Variants in LRP1B observed in about 807,000 individuals in gnomAD.
LRP1B encodes LDL receptor related protein 1B.
In LRP1B, 217 loss-of-function variants were observed where a neutral mutation model predicts 556.6. That is an observed-to-expected ratio of 0.39 (90% CI 0.35 to 0.44). LRP1B has a LOEUF of 0.44. Ranked by LOEUF, LRP1B falls within the 20% of genes least tolerant of loss-of-function variation. The pLI is 1.00. For missense variants in LRP1B, 5,053 were observed against 5,620.8 expected (o/e 0.90, Z 3.23); for synonymous variants, 2,047 against 1,865.8 (o/e 1.10, Z -2.50).
intron 3 of LRP1B, among the ~76,000 whole-genome samples, chr2:141,289,117 C>T (rs1287729171): frequency 6.6e-6 from 1 of 151,894 alleles, no homozygotes; most frequent in African/African-American, 2.4e-5. Flanking sequence ...GGCGCGGTGG[C>T]TTAACTCCTG....
intron 9 of LRP1B, among the ~76,000 whole-genome samples, chr2:141,058,224 G>A (rs16845245): frequency 4.6e-5 from 7 of 151,806 alleles, no homozygotes; most frequent in African/African-American, 7.2e-5. Flanking sequence ...ATGTACAGCC[G>A]TGATTAGATA....
At chr2:140,544,732 A>G (rs1680262872) in intron 43 of LRP1B, among the ~76,000 whole-genome samples, 1 of 152,070 alleles carries the variant, frequency 6.6e-6, no homozygotes, top group Admixed American at 6.6e-5. Flanking sequence ...ATTGATGGGC[A>G]TTAGGTCGAT....
At chr2:141,627,850 T>C (rs1457583991) in intron 2 of LRP1B, among the ~76,000 whole-genome samples, 8 of 152,126 alleles carry the variant, frequency 5.3e-5, no homozygotes, top group African/African-American at 1.9e-4. Context: ...GTGCAGGATG[T>C]TGATAGTAGG....
chr2:141,273,154 C>G (rs1310501685), intron 3 of LRP1B, among the ~76,000 whole-genome samples: 2 of 151,962 alleles, frequency 1.3e-5, no homozygotes, highest in Admixed American at 1.3e-4. Flanking sequence ...ATGAAAAATA[C>G]AAAAGTTAAC....
rs1471965365 is a variant in LRP1B at position 141,241,468 on chromosome 2, A to C, written c.592+5758T>G. 2.0e-5 allele frequency among the ~76,000 whole-genome samples: 3 copies of C among 152,022 alleles called. No individual in the cohort carries two copies. In the East Asian group the frequency reaches 5.8e-4, roughly 29 times the overall value. On this transcript the variant is annotated intron_variant, in intron 5 of 90. Coordinates refer to ENST00000389484, the MANE Select transcript of LRP1B (RefSeq NM_018557.3). ...TGGTGGAGAGGACACACTTATGTAG[A>C]TCATACAGTGCTTCTCAAACTACTG... is the stretch of plus-strand genomic sequence containing the variant.
In LRP1B at chr2:140,467,149, TA is replaced by T. The variant is rs752792113; in HGVS notation, c.9625+7988del. On this transcript the variant is annotated intron_variant, in intron 60 of 90. Coordinates refer to ENST00000389484, the MANE Select transcript of LRP1B (RefSeq NM_018557.3). Reference sequence around the variant, plus strand: ...TACTTTTTGAAATGCATAAAATCAATAAAAAATCTCAAATTTATAACAAATT... The same window carrying T: ...TACTTTTTGAAATGCATAAAATCAATAAAAATCTCAAATTTATAACAAATT... 4.6e-5 allele frequency among the ~76,000 whole-genome samples: 7 copies of T among 152,098 alleles called. No individual in the cohort carries two copies. The East Asian group carries it at 1.4e-3, about 29-fold the overall frequency.
chr2:140,622,653 C>A (rs937918959), intron 41 of LRP1B, among the ~76,000 whole-genome samples: 1 of 152,010 alleles, frequency 6.6e-6, no homozygotes, highest in Admixed American at 6.6e-5. Flanking sequence ...CCACTATGTT[C>A]CTTAGTTGGC....
chr2:140,412,791 A>G (rs1685021079), intron 66 of LRP1B, among the ~76,000 whole-genome samples: 1 of 152,098 alleles, frequency 6.6e-6, no homozygotes, highest in Admixed American at 6.6e-5. Context: ...ATTCTATCAT[A>G]CCATTAATAT....
intron 7 of LRP1B, among the ~76,000 whole-genome samples, chr2:141,137,435 G>A (rs894205247): frequency 2.0e-5 from 3 of 151,816 alleles, no homozygotes; most frequent in Non-Finnish European, 4.4e-5. Flanking sequence ...TCTTGCAGGC[G>A]AGATGTAAAG....
chr2:140,534,941 T>C (rs1425830828), intron 46 of LRP1B, among the ~76,000 whole-genome samples: 2 of 152,118 alleles, frequency 1.3e-5, no homozygotes, highest in African/African-American at 2.4e-5. Context: ...CTAATTACAC[T>C]AGCAGGTTTG....
At chr2:141,986,567 C>T (rs900441692) in intron 1 of LRP1B, among the ~76,000 whole-genome samples, 6 of 151,832 alleles carry the variant, frequency 4.0e-5, no homozygotes, top group Non-Finnish European at 8.8e-5. Flanking sequence ...ATTTGTGAAT[C>T]TCTTGACTTC....
chr2:140,717,003 A>G (rs2105465613), intron 35 of LRP1B, among the ~76,000 whole-genome samples, 187 bp from the exon 36 acceptor site: 1 of 152,232 alleles, frequency 6.6e-6, no homozygotes, highest in African/African-American at 2.4e-5. Context: ...AACATGAAAG[A>G]ACTTATATTT....
intron 1 of LRP1B, among the ~76,000 whole-genome samples, chr2:141,873,748 G>A (rs1156801147): frequency 1.3e-5 from 2 of 151,704 alleles, no homozygotes; most frequent in Non-Finnish European, 2.9e-5. Context: ...ATACATTTGG[G>A]GGCAAGAAAA....
chr2:141,416,506 T>C (rs1691110855), intron 3 of LRP1B, among the ~76,000 whole-genome samples: 1 of 141,062 alleles, frequency 7.1e-6, no homozygotes, highest in Admixed American at 7.8e-5. Context: ...CAGACTGGAG[T>C]GCAGTGATGC....
At chr2:141,492,763 A>G (rs1025018954) in intron 2 of LRP1B, among the ~76,000 whole-genome samples, 1 of 152,172 alleles carries the variant, frequency 6.6e-6, no homozygotes, top group Admixed American at 6.6e-5. Flanking sequence ...TAAACAGCTC[A>G]ATTTAAAAGT....
chr2:142,092,534 A>G (rs750421336), intron 1 of LRP1B, among the ~76,000 whole-genome samples: 7 of 152,116 alleles, frequency 4.6e-5, no homozygotes, highest in South Asian at 2.1e-4. Flanking sequence ...AAGAAATCCA[A>G]TGCTTTCTAG....
At chr2:141,004,002 A>G (rs765914667) in intron 15 of LRP1B, among the ~76,000 whole-genome samples, 10 of 152,040 alleles carry the variant, frequency 6.6e-5, no homozygotes, top group Non-Finnish European at 8.8e-5. Context: ...GTATTTTCTC[A>G]TATGTCTTAA....
intron 2 of LRP1B, among the ~76,000 whole-genome samples, chr2:141,685,883 A>T (rs1184772162): frequency 6.6e-6 from 1 of 152,066 alleles, no homozygotes; most frequent in Non-Finnish European, 1.5e-5. Flanking sequence ...TTATTTTCAT[A>T]TATAAAAAAA....
chr2:141,525,322 C>T (rs538703840), intron 2 of LRP1B, among the ~76,000 whole-genome samples: 2 of 152,036 alleles, frequency 1.3e-5, no homozygotes, highest in East Asian at 3.9e-4. Context: ...ATCTAATGGA[C>T]AATTGACATT....
Sources: allele counts gnomAD v4.1 joint callset (sites outside exome capture counted in the v4.1 genomes callset), GRCh38; gene constraint gnomAD v4.1.1; transcripts MANE v1.5; gene names NCBI Gene and HGNC (gene_info 2026-07-23, HGNC 2026-07-21).